TBCE: variants seen among roughly 807,000 people sequenced by gnomAD.
TBCE encodes tubulin-specific chaperone E.
Under a neutral mutation model 77.0 loss-of-function variants are expected in TBCE, and 53 were observed. That is an observed-to-expected ratio of 0.69 (90% CI 0.55 to 0.87). TBCE has a LOEUF of 0.87. Among genes scored for constraint, TBCE ranks in the 40% least tolerant of loss-of-function variants. The probability of loss-of-function intolerance (pLI) is 0.00; values close to 1 mark genes in which losing one functional copy is unlikely to be tolerated. For synonymous variants in TBCE, 235 were observed against 241.3 expected (o/e 0.97, Z 0.24); for missense variants, 624 against 622.4 (o/e 1.00, Z -0.03).
chr1:235,374,659 C>T (rs1191573789), intron 1 of TBCE, among the ~76,000 whole-genome samples: 1 of 144,154 alleles, frequency 6.9e-6, no homozygotes, highest in Non-Finnish European at 1.5e-5. Flanking sequence ...CGCCACCACA[C>T]CTGGCTAATT....
intron 13 of TBCE, among the ~76,000 whole-genome samples, chr1:235,440,336 C>G (rs1199224156): frequency 6.6e-6 from 1 of 151,902 alleles, no homozygotes; most frequent in Non-Finnish European, 1.5e-5. Flanking sequence ...GGTGGCGCAC[C>G]ATGCTCCACT....
chr1:235,405,717 A>G (rs1387166530), intron 3 of TBCE, among the ~76,000 whole-genome samples: 1 of 152,188 alleles, frequency 6.6e-6, no homozygotes, highest in Non-Finnish European at 1.5e-5. Context: ...AACTAGTAAC[A>G]TAGCCATTTA....
chr1:235,440,449 A>G (rs972960749), intron 13 of TBCE, among the ~76,000 whole-genome samples: 12 of 150,672 alleles, frequency 8.0e-5, no homozygotes, highest in African/African-American at 2.7e-4. Context: ...CTGGAGTCCA[A>G]TGGCGCGATC....
chr1:235,406,018 G>A (rs1040611451), intron 3 of TBCE, among the ~76,000 whole-genome samples: 3 of 152,142 alleles, frequency 2.0e-5, no homozygotes, highest in Admixed American at 6.5e-5. Flanking sequence ...TCATTATATC[G>A]TCTAGTGTTG....
chr1:235,385,224 G>A (rs2102823431), intron 2 of TBCE, among the ~76,000 whole-genome samples: 2 of 152,174 alleles, frequency 1.3e-5, no homozygotes, highest in South Asian at 2.1e-4. Flanking sequence ...GCTGAGGAGA[G>A]CTTTACTTCC....
chr1:235,378,707 TATGGTGGCGTGTGC>T (rs1019447140), intron 1 of TBCE, among the ~76,000 whole-genome samples: 3 of 151,644 alleles, frequency 2.0e-5, no homozygotes, highest in African/African-American at 4.8e-5. Context: ...ATTAGCTGGG[TATGGTGGCGTGTGC>T]GTGGTGGCGT....
intron 2 of TBCE, among the ~76,000 whole-genome samples, chr1:235,392,905 T>A (rs1414729597): frequency 1.3e-5 from 2 of 151,880 alleles, no homozygotes; most frequent in African/African-American, 4.8e-5. Context: ...TAGTCCCAGC[T>A]ACTGGGAGGC....
chr1:235,439,782 G>A (rs1026691400), intron 13 of TBCE, among the ~76,000 whole-genome samples: 7 of 151,212 alleles, frequency 4.6e-5, no homozygotes, highest in Middle Eastern at 3.5e-3. Context: ...GCCACCGTGC[G>A]TAGCAGGAAA....
At position 235,401,548 on chromosome 1, in the gene TBCE, A is replaced by G. The variant is rs1456150302; in HGVS notation, c.146A>G (p.His49Arg). 1.9e-6 allele frequency: 3 copies of G among 1,613,902 alleles called. No homozygotes were observed. In the African/African-American group the frequency reaches 4.0e-5, roughly 22 times the overall value. Residue 49 changes from histidine to arginine, a missense_variant, in exon 3 of 17, where the codon CAT (histidine) becomes CGT (arginine). Physicochemically the swap from His to Arg is conservative, Grantham distance 29. Transcript: ENST00000642610. ...VEWDNPERGKHDGSHEGTVYF... is the reference protein window; with the variant it reads ...VEWDNPERGKRDGSHEGTVYF... ...TGGGACAATCCCGAGAGAGGAAAGC[A>G]TGATGGGAGCCACGAAGGGACTGTG...
chr1:235,440,137 A>AT (rs939710385), intron 13 of TBCE, among the ~76,000 whole-genome samples: 1 of 151,808 alleles, frequency 6.6e-6, no homozygotes, highest in Non-Finnish European at 1.5e-5. Context: ...CACCCGGCTA[A>AT]TTTTTTGTAT....
At position 235,419,486 on chromosome 1, in the gene TBCE, T is replaced by C; in HGVS notation, c.385T>C (p.Leu129=). 1 of 1,614,184 alleles carries C rather than the reference T, an allele frequency of 6.2e-7. No individual in the cohort carries two copies. The highest frequency in any genetic ancestry group is 1.3e-5 in the African/African-American group (1 of 75,050). ...IMKQQSQLSK[L]QEVSLRNCAV... ...TTTTTCATGCAGTCAGCTGAGCAAGTTGCAAGAAGTTTCTCTGAGGAACTG... is the reference window on the plus strand; with the variant it reads ...TTTTTCATGCAGTCAGCTGAGCAAGCTGCAAGAAGTTTCTCTGAGGAACTG... Residue 129 remains leucine, a synonymous_variant, in exon 5 of 17, where the codon TTG becomes CTG. Transcript: ENST00000642610.
chr1:235,386,760 C>A (rs1257516845), intron 2 of TBCE, among the ~76,000 whole-genome samples: 1 of 152,128 alleles, frequency 6.6e-6, no homozygotes, highest in South Asian at 2.1e-4. Context: ...TCCTGTAGCT[C>A]GGAGTAGTTT....
chr1:235,380,244 C>T (rs944201055), intron 2 of TBCE, 95 bp downstream of exon 2: 1 of 1,267,684 alleles, frequency 7.9e-7, no homozygotes, highest in African/African-American at 1.5e-5. Context: ...GTAAGCTTCT[C>T]AGTAGCACTT....
chr1:235,411,328 A>G (rs543201672), intron 3 of TBCE, among the ~76,000 whole-genome samples: 8 of 152,332 alleles, frequency 5.3e-5, no homozygotes, highest in African/African-American at 1.9e-4. Context: ...GTTTGATTCC[A>G]TAAAGGAACA....
At chr1:235,411,639 C>A (rs1679788203) in intron 3 of TBCE, among the ~76,000 whole-genome samples, 1 of 152,102 alleles carries the variant, frequency 6.6e-6, no homozygotes, top group African/African-American at 2.4e-5. Flanking sequence ...GGCAGAGCAG[C>A]CAGTAAACTA....
chr1:235,428,532 G>A (rs759322598), intron 6 of TBCE, among the ~76,000 whole-genome samples: 6 of 152,198 alleles, frequency 3.9e-5, no homozygotes, highest in Non-Finnish European at 7.4e-5. Context: ...CCCAGACAAC[G>A]CAGCTGCTTC....
intron 1 of TBCE, among the ~76,000 whole-genome samples, chr1:235,376,959 G>A (rs1161590640): frequency 1.3e-5 from 2 of 151,702 alleles, no homozygotes; most frequent in African/African-American, 2.4e-5. Context: ...GTGAGACTCC[G>A]TCTCAATTAA....
At chr1:235,407,236 C>T (rs978959386) in intron 3 of TBCE, among the ~76,000 whole-genome samples, 1 of 151,098 alleles carries the variant, frequency 6.6e-6, no homozygotes, top group African/African-American at 2.4e-5. Context: ...TATGCTCAAG[C>T]AGTTCTCCCA....
rs944671621 is a variant in TBCE at position 235,448,884 on chromosome 1, A to G, written c.*122A>G. 4.6e-5 allele frequency: 35 copies of G among 754,762 alleles called. No homozygotes were observed. The highest frequency in any genetic ancestry group is 7.3e-5 in the Non-Finnish European group (32 of 435,438). 46.8% of individuals were successfully genotyped at this position (754,762 alleles called of 1,614,324 possible). On this transcript the variant is annotated 3_prime_UTR_variant, in exon 17 of 17. Transcript: ENST00000642610. The stretch of plus-strand genomic sequence containing the variant: ...AGGGGGTTTACAACTTGTCCTAAGT[A>G]TAACAAGGGATGTATTTTTTGTTGG...
Sources: allele counts gnomAD v4.1 joint callset (sites outside exome capture counted in the v4.1 genomes callset), GRCh38; gene constraint gnomAD v4.1.1; transcripts MANE v1.5; gene names NCBI Gene and HGNC (gene_info 2026-07-23, HGNC 2026-07-21).